The following AGBL1 variants were observed in gnomAD, a reference collection of about 807,000 sequenced individuals.
The protein encoded by AGBL1 is AGBL carboxypeptidase 1, also known as cytosolic carboxypeptidase 4.
A neutral mutation model predicts 118.9 loss-of-function variants in AGBL1; 130 were observed. The ratio of observed to expected loss-of-function variants is 1.09; its 90% CI spans 0.95 to 1.26. AGBL1 has a LOEUF of 1.26. AGBL1 is among the 50% of genes most tolerant of loss of function. The probability of loss-of-function intolerance (pLI) is 0.00; values close to 1 mark genes in which losing one functional copy is unlikely to be tolerated. For synonymous variants in AGBL1, 555 were observed against 478.9 expected (o/e 1.16, Z -2.08); for missense variants, 1,584 against 1,298.1 (o/e 1.22, Z -3.38).
At chr15:87,011,240 A>T (rs1035852535) in intron 24 of AGBL1, among the ~76,000 whole-genome samples, 1 of 152,196 alleles carries the variant, frequency 6.6e-6, no homozygotes, top group Non-Finnish European at 1.5e-5. Flanking sequence ...GGAGACTACC[A>T]CATGGGAGGA....
chr15:86,307,811 T>C (rs2079863028), intron 17 of AGBL1, among the ~76,000 whole-genome samples: 2 of 152,202 alleles, frequency 1.3e-5, no homozygotes, highest in South Asian at 4.2e-4. Context: ...TTATATAACA[T>C]ATAGACCTAG....
At position 86,910,531 on chromosome 15, in the gene AGBL1, G is replaced by A. The variant is rs1011858870; in HGVS notation, c.*3237G>A. 1.3e-5 allele frequency: 2 copies of A among 152,332 alleles called. No individual in the cohort carries two copies. Among genetic ancestry groups the A allele is most frequent in the East Asian group, 3.9e-4 (2 of 5,176 alleles). The allele number at this position is 152,332 out of a possible 1,614,324, so 9.4% of individuals were successfully genotyped here. ...TTCCCTTGTTTATGGCTGAGGGTTTGGTGCTCCTGCTATGCTGGTTGTTCA... is the reference window on the plus strand; with the variant it reads ...TTCCCTTGTTTATGGCTGAGGGTTTAGTGCTCCTGCTATGCTGGTTGTTCA... On this transcript the variant is annotated 3_prime_UTR_variant, in exon 23 of 23. Coordinates refer to ENST00000614907, the MANE Select transcript of AGBL1 (RefSeq NM_001386094.1).
intron 19 of AGBL1, 144 bp from the exon 20 acceptor site, chr15:86,545,858 G>C: frequency 1.1e-6 from 1 of 927,858 alleles, no homozygotes; most frequent in Non-Finnish European, 1.6e-6. Flanking sequence ...GCACATGGCT[G>C]GTCTGCTAAC....
intron 18 of AGBL1, among the ~76,000 whole-genome samples, chr15:86,467,078 C>A (rs1361469221): frequency 6.6e-6 from 1 of 152,200 alleles, no homozygotes; most frequent in African/African-American, 2.4e-5. Context: ...CCAGAGCCAC[C>A]CTTTCCCTCA....
intron 22 of AGBL1, among the ~76,000 whole-genome samples, chr15:86,888,672 C>A (rs1007137786): frequency 6.6e-6 from 1 of 152,112 alleles, no homozygotes; most frequent in Non-Finnish European, 1.5e-5. Flanking sequence ...CATTTTCCAT[C>A]TGTTGCCTTA....
At chr15:86,565,573 G>C (rs934787541) in intron 21 of AGBL1, among the ~76,000 whole-genome samples, 1 of 152,216 alleles carries the variant, frequency 6.6e-6, no homozygotes. Flanking sequence ...GGCTACTCAG[G>C]GGTCAAGGAC....
At chr15:86,418,730 T>G (rs1335446712) in intron 18 of AGBL1, among the ~76,000 whole-genome samples, 1 of 152,158 alleles carries the variant, frequency 6.6e-6, no homozygotes, top group Non-Finnish European at 1.5e-5. Flanking sequence ...TGACTTAGGA[T>G]GATTCAGACT....
Position 86,260,321 on chromosome 15 carries a change from C to A in AGBL1, c.969+2290C>A, listed in dbSNP as rs77275309. 9.3e-3 allele frequency among the ~76,000 whole-genome samples: 1,409 copies of A among 152,250 alleles called. 21 individuals carry two copies. The highest frequency in any genetic ancestry group is 0.032 in the African/African-American group (1,336 of 41,540). On this transcript the variant is annotated intron_variant, in intron 9 of 22. Coordinates refer to ENST00000614907, the MANE Select transcript of AGBL1 (RefSeq NM_001386094.1). ...GACAATCTTAGGTAATAATTGGGACCAGCCTGTTAGTAAGAATGATTAAGA... is the reference window on the plus strand; with the variant it reads ...GACAATCTTAGGTAATAATTGGGACAAGCCTGTTAGTAAGAATGATTAAGA...
chr15:86,181,717 C>T (rs184283446), intron 5 of AGBL1, among the ~76,000 whole-genome samples: 1 of 151,910 alleles, frequency 6.6e-6, no homozygotes, highest in Non-Finnish European at 1.5e-5. Flanking sequence ...AAAAAGTTCA[C>T]TTTATATTAA....
At chr15:86,522,739 T>A in intron 18 of AGBL1, 71 bp from the exon 19 acceptor site, 2 of 1,538,562 alleles carry the variant, frequency 1.3e-6, no homozygotes, top group Non-Finnish European at 1.8e-6. Flanking sequence ...TTGTTTATCT[T>A]GTGGAGCTTT....
At chr15:86,265,912 C>T (rs555913496) in intron 11 of AGBL1, among the ~76,000 whole-genome samples, 1 of 152,270 alleles carries the variant, frequency 6.6e-6, no homozygotes, top group Admixed American at 6.5e-5. Context: ...CTTAGCCTAC[C>T]GGAGCAGACA....
At chr15:86,638,584 T>G (rs1279864612) in intron 21 of AGBL1, among the ~76,000 whole-genome samples, 1 of 152,172 alleles carries the variant, frequency 6.6e-6, no homozygotes, top group Non-Finnish European at 1.5e-5. Flanking sequence ...AAGACTCCTG[T>G]CAGCCCCACA....
chr15:86,737,612 T>C lies in AGBL1; in HGVS notation c.3158+63176T>C, dbSNP rs181258256. Among the ~76,000 whole-genome samples, 194 of 152,180 alleles carry C rather than the reference T, an allele frequency of 1.3e-3. 1 individual carries two copies. The highest frequency in any genetic ancestry group is 4.5e-3 in the African/African-American group (189 of 41,544). ...AGCTGAGCCTTGATTTCCTCCTACGTAGGGTATGTTTCAGGGAGAATGACA... is the reference window on the plus strand; with the variant it reads ...AGCTGAGCCTTGATTTCCTCCTACGCAGGGTATGTTTCAGGGAGAATGACA... On this transcript the variant is annotated intron_variant, in intron 22 of 22. Coordinates refer to ENST00000614907, the MANE Select transcript of AGBL1 (RefSeq NM_001386094.1).
At chr15:86,735,346 G>A (rs1300012468) in intron 22 of AGBL1, among the ~76,000 whole-genome samples, 3 of 152,046 alleles carry the variant, frequency 2.0e-5, no homozygotes, top group Non-Finnish European at 4.4e-5. Context: ...CTCCCAAAGT[G>A]CTGGGATTAC....
intron 18 of AGBL1, among the ~76,000 whole-genome samples, chr15:86,430,700 G>A (rs539405337): frequency 6.6e-5 from 10 of 152,154 alleles, no homozygotes; most frequent in Non-Finnish European, 1.0e-4. Context: ...GAAAAGGCAC[G>A]CTGAGAATTA....
intron 22 of AGBL1, among the ~76,000 whole-genome samples, chr15:86,778,249 A>G (rs908779196): frequency 3.3e-5 from 5 of 152,184 alleles, no homozygotes; most frequent in Non-Finnish European, 7.3e-5. Context: ...GCAGGGCGAG[A>G]TCACAGGACC....
At chr15:86,989,159 G>C (rs2081313379) in intron 24 of AGBL1, among the ~76,000 whole-genome samples, 1 of 151,982 alleles carries the variant, frequency 6.6e-6, no homozygotes, top group Admixed American at 6.6e-5. Context: ...TTGCCACCAA[G>C]TCTGGCTGAT....
chr15:86,355,080 A>C (rs946959426), intron 17 of AGBL1, among the ~76,000 whole-genome samples: 3 of 152,212 alleles, frequency 2.0e-5, no homozygotes, highest in Non-Finnish European at 4.4e-5. Context: ...CCTAGCCTCC[A>C]AATAAGAGCC....
At chr15:86,264,030 GT>G (rs1401535979) in intron 10 of AGBL1, among the ~76,000 whole-genome samples, 1 of 152,118 alleles carries the variant, frequency 6.6e-6, no homozygotes, top group Non-Finnish European at 1.5e-5. Flanking sequence ...TTCAAATACT[GT>G]TTTGCATTGG....
Sources: allele counts gnomAD v4.1 joint callset (sites outside exome capture counted in the v4.1 genomes callset), GRCh38; gene constraint gnomAD v4.1.1; transcripts MANE v1.5; gene names NCBI Gene and HGNC (gene_info 2026-07-23, HGNC 2026-07-21).